Variants in ELP2 observed in about 807,000 individuals in gnomAD.
ELP2 encodes elongator acetyltransferase complex subunit 2.
In ELP2, 90 loss-of-function variants were observed where a neutral mutation model predicts 119.2. The observed-to-expected ratio is 0.75, with a 90% CI of 0.64 to 0.90. The LOEUF is 0.90. Ranked by LOEUF, ELP2 falls within the 40% of genes least tolerant of loss-of-function variation. The pLI is 0.00. For synonymous variants in ELP2, 339 were observed against 331.0 expected (o/e 1.02, Z -0.26); for missense variants, 921 against 967.8 (o/e 0.95, Z 0.64).
At position 36,175,867 on chromosome 18, in the gene ELP2, G is replaced by A. The variant is rs985774234; in HGVS notation, c.*1226G>A. The A allele has an allele frequency of 6.6e-6, 1 of 152,122 alleles. No individual in the cohort carries two copies. The highest frequency in any genetic ancestry group is 2.4e-5 in the African/African-American group (1 of 41,418). The allele number at this position is 152,122 out of a possible 1,614,324, so 9.4% of individuals were successfully genotyped here. A position where few individuals can be genotyped will look rare whatever the true frequency, so the allele number is the denominator to read the frequency against. ...GTATATAATAAATGTGTTGAAAGGA[G>A]GAAGGTGAGGATTTTCTTGGTGGGA... On this transcript the variant is annotated 3_prime_UTR_variant, in exon 22 of 22. Transcript: ENST00000358232.
Position 36,156,574 on chromosome 18 carries a change from C to T in ELP2, c.1384C>T (p.Arg462Trp), listed in dbSNP as rs767713084. The change falls in exon 13 of 22, where the codon CGG becomes TGG. Residue 462 changes from arginine to tryptophan, a missense_variant. Coordinates refer to ENST00000358232, the MANE Select transcript of ELP2 (RefSeq NM_018255.4). The part of the protein sequence containing the change: ...FVSGADEKVL[R>W]VFSAPRNFVE... ...ATCTGGAGCAGATGAAAAAGTTCTT[C>T]GGGTTTTTTCTGCACCTCGGAATTT... is the stretch of plus-strand genomic sequence containing the variant. The T allele has an allele frequency of 2.2e-5, 36 of 1,613,904 alleles. No individual in the cohort carries two copies. Among genetic ancestry groups the T allele is most frequent in the Non-Finnish European group, 2.9e-5 (34 of 1,179,990 alleles).
intron 8 of ELP2, among the ~76,000 whole-genome samples, chr18:36,143,567 TA>T (rs1567986364): frequency 6.6e-6 from 1 of 151,976 alleles, no homozygotes; most frequent in Non-Finnish European, 1.5e-5. Context: ...AGCTAATTTT[TA>T]AAATTTTCTG....
intron 2 of ELP2, among the ~76,000 whole-genome samples, chr18:36,135,293 A>G (rs950468519): frequency 1.2e-4 from 18 of 152,144 alleles, no homozygotes; most frequent in Non-Finnish European, 2.5e-4. Flanking sequence ...AGCCTTTCCA[A>G]CCCTTTATCG....
intron 15 of ELP2, 52 bp from the exon 16 acceptor site, chr18:36,159,906 G>A (rs2090681673): frequency 1.2e-6 from 2 of 1,605,638 alleles, no homozygotes; most frequent in Admixed American, 3.3e-5. Context: ...ACCTAAATAA[G>A]TGCTATAGAA....
intron 11 of ELP2, among the ~76,000 whole-genome samples, chr18:36,149,291 C>A (rs79733599): frequency 6.6e-6 from 1 of 152,272 alleles, no homozygotes; most frequent in East Asian, 1.9e-4. Flanking sequence ...CAGTCTACTA[C>A]GTTCAGACAG....
At chr18:36,150,264 C>G (rs1224225550) in intron 11 of ELP2, among the ~76,000 whole-genome samples, 1 of 152,214 alleles carries the variant, frequency 6.6e-6, no homozygotes, top group Non-Finnish European at 1.5e-5. Context: ...CTCTTGAGAG[C>G]TGTTCATCTG....
At chr18:36,147,091 T>G (rs564797864) in intron 11 of ELP2, among the ~76,000 whole-genome samples, 19 of 151,086 alleles carry the variant, frequency 1.3e-4, no homozygotes, top group East Asian at 5.8e-4. Flanking sequence ...GTTTTTTTTT[T>G]TTTTTTTTTT....
At chr18:36,163,274 G>GT (rs56673454) in intron 17 of ELP2, among the ~76,000 whole-genome samples, 141,246 of 147,220 alleles carry the variant, frequency 0.96, 67,930 homozygotes, top group Non-Finnish European at 1. Flanking sequence ...AGTTCATGGG[G>GT]GGTGTGTGTG....
chr18:36,153,371 G>A (rs924850125), intron 11 of ELP2, among the ~76,000 whole-genome samples: 2 of 152,092 alleles, frequency 1.3e-5, no homozygotes, highest in African/African-American at 4.8e-5. Flanking sequence ...CAAACCACAC[G>A]ATTCCGTGAG....
chr18:36,161,133 C>T, intron 17 of ELP2, 129 bp downstream of exon 17: 4 of 722,824 alleles, frequency 5.5e-6, no homozygotes, highest in Non-Finnish European at 1.0e-5. Flanking sequence ...TTGAATCTTA[C>T]TTTCTCAATT....
chr18:36,150,751 T>C (rs2090369956), intron 11 of ELP2, among the ~76,000 whole-genome samples: 1 of 152,220 alleles, frequency 6.6e-6, no homozygotes, highest in Admixed American at 6.5e-5. Flanking sequence ...TTTACATGCT[T>C]TCTGTTTTAC....
intron 19 of ELP2, 23 bp downstream of exon 19, chr18:36,167,245 T>G: frequency 1.3e-6 from 2 of 1,515,032 alleles, no homozygotes; most frequent in Non-Finnish European, 1.8e-6. Context: ...AAATTTAATA[T>G]TTTTTCAAAT....
intron 16 of ELP2, among the ~76,000 whole-genome samples, chr18:36,160,320 A>G (rs1568013587): frequency 1.3e-5 from 2 of 152,116 alleles, no homozygotes; most frequent in South Asian, 2.1e-4. Context: ...CACACCTGTA[A>G]TCATAGCACT....
intron 13 of ELP2, among the ~76,000 whole-genome samples, chr18:36,158,222 A>G (rs1198252782): frequency 2.0e-5 from 3 of 152,216 alleles, no homozygotes; most frequent in Non-Finnish European, 4.4e-5. Flanking sequence ...GAACACTCTT[A>G]GCAAATGAGC....
At chr18:36,136,601 G>A in intron 3 of ELP2, 1 of 534,544 alleles carries the variant, frequency 1.9e-6, no homozygotes, top group South Asian at 2.4e-5. Context: ...TTGTTGCCCA[G>A]GCTGGTCTCA....
At chr18:36,163,949 C>T (rs1430738756) in intron 17 of ELP2, among the ~76,000 whole-genome samples, 1 of 152,066 alleles carries the variant, frequency 6.6e-6, no homozygotes, top group South Asian at 2.1e-4. Flanking sequence ...TGCAAAAATA[C>T]CTGCAGGAAT....
intron 1 of ELP2, among the ~76,000 whole-genome samples, chr18:36,130,645 G>T (rs889682413): frequency 2.6e-5 from 4 of 152,168 alleles, no homozygotes; most frequent in African/African-American, 9.7e-5. Context: ...CACCCAGTCA[G>T]TTGGTTATTT....
intron 11 of ELP2, among the ~76,000 whole-genome samples, chr18:36,152,368 G>A (rs1689741403): frequency 1.3e-5 from 2 of 152,156 alleles, no homozygotes; most frequent in African/African-American, 2.4e-5. Context: ...AGACTCATGA[G>A]AAGCTGAGAC....
rs755234529 is a variant in ELP2, at chr18:36,145,049, A to G, written c.892+15A>G. Reference sequence around the variant, plus strand: ...GTTTTACAAAGGTAGGAAGAAAACCATACACATATCCCTTACTCCAGTTAA... The same window carrying G: ...GTTTTACAAAGGTAGGAAGAAAACCGTACACATATCCCTTACTCCAGTTAA... On this transcript the variant is annotated intron_variant, in intron 9 of 21. Transcript: ENST00000358232. 4 of 1,587,120 alleles carry G rather than the reference A, an allele frequency of 2.5e-6. No homozygotes were observed. Among genetic ancestry groups the G allele is most frequent in the Admixed American group, 3.3e-5 (2 of 59,988 alleles).
Sources: gnomAD v4.1 joint callset for allele counts (sites outside exome capture counted in the v4.1 genomes callset) on GRCh38, gnomAD v4.1.1 for gene constraint, MANE v1.5 for transcripts, NCBI Gene and HGNC (gene_info 2026-07-23, HGNC 2026-07-21) for gene names.